The following SPRY3 variants were observed in gnomAD, a reference collection of about 807,000 sequenced individuals.
The protein encoded by SPRY3 is protein sprouty homolog 3.
In SPRY3, 15 loss-of-function variants were observed where a neutral mutation model predicts 20.2. That is an observed-to-expected ratio of 0.74 (90% CI 0.50 to 1.14). SPRY3 has a LOEUF of 1.14. Among genes scored for constraint, SPRY3 ranks in the 50% most tolerant of loss-of-function variants. The pLI, the probability that SPRY3 is intolerant of heterozygous loss-of-function variation, is 0.00. For missense variants in SPRY3, 364 were observed against 363.9 expected (o/e 1.00, Z 0.00); for synonymous variants, 143 against 136.5 (o/e 1.05, Z -0.33).
chrX:155,619,573 G>A (rs5940542), intron 1 of SPRY3, among the ~76,000 whole-genome samples: 2,864 of 110,844 alleles, frequency 0.026, 42 homozygotes, highest in South Asian at 0.041. Context: ...AAACGTAAAT[G>A]CTGAAATTGT....
At chrX:155,618,862 A>G (rs1233541571) in intron 1 of SPRY3, among the ~76,000 whole-genome samples, 3 of 111,205 alleles carry the variant, frequency 2.7e-5, no homozygotes, top group African/African-American at 9.8e-5. Flanking sequence ...AGGTTTCTTC[A>G]TGTCTTTTGC....
intron 2 of SPRY3, among the ~76,000 whole-genome samples, chrX:155,761,246 T>C (rs1336527598): frequency 1.3e-5 from 2 of 152,218 alleles, no homozygotes; most frequent in African/African-American, 2.4e-5. Context: ...CCCATCTTTA[T>C]TGAAACTCTC....
chrX:155,690,484 T>C lies in SPRY3; in HGVS notation c.-282+33459T>C, dbSNP rs1190983881. Among the ~76,000 whole-genome samples the C allele has an allele frequency of 3.4e-5, 3 of 87,658 alleles. 1 individual carries two copies. The highest frequency in any genetic ancestry group is 6.4e-5 in the Non-Finnish European group (3 of 46,807). The allele number at this position is 87,658 out of a possible 115,157, so 76.1% of individuals were successfully genotyped here. ...CAGTGACACCCATAGGTTCAAAATATAGGGATGGAGAAAAATCTACCAAGC... is the reference window on the plus strand; with the variant it reads ...CAGTGACACCCATAGGTTCAAAATACAGGGATGGAGAAAAATCTACCAAGC... On this transcript the variant is annotated intron_variant, in intron 2 of 3. Coordinates refer to ENST00000675360, the Ensembl canonical transcript of SPRY3.
At chrX:155,624,540 C>G (rs2067882001) in intron 1 of SPRY3, among the ~76,000 whole-genome samples, 1 of 109,766 alleles carries the variant, frequency 9.1e-6, no homozygotes, top group African/African-American at 3.3e-5. Context: ...ATCTATCTAT[C>G]TATCTATCTA....
chrX:155,780,442 C>G (rs1251610823), downstream of SPRY3: 1 of 166,792 alleles, frequency 6.0e-6, no homozygotes, highest in Admixed American at 6.6e-5. Flanking sequence ...TCTTCAAAGT[C>G]TTACCACTCT....
intron 2 of SPRY3, among the ~76,000 whole-genome samples, chrX:155,736,142 T>C (rs1217904750): frequency 6.6e-6 from 1 of 152,016 alleles, no homozygotes; most frequent in Non-Finnish European, 1.5e-5. Context: ...CTGTCATATA[T>C]TTCACTTATT....
chrX:155,724,483 C>A (rs993336066), intron 2 of SPRY3, among the ~76,000 whole-genome samples: 7 of 152,040 alleles, frequency 4.6e-5, no homozygotes, highest in African/African-American at 7.2e-5. Flanking sequence ...TGTAGTTCTC[C>A]TTGAAGAGGT....
intron 2 of SPRY3, among the ~76,000 whole-genome samples, chrX:155,730,903 C>A (rs1199976187): frequency 6.6e-6 from 1 of 151,904 alleles, no homozygotes; most frequent in Non-Finnish European, 1.5e-5. Context: ...AGAGAGTAAT[C>A]CCATTTACAA....
intron 2 of SPRY3, among the ~76,000 whole-genome samples, chrX:155,668,830 G>A (rs2068032160): frequency 9.1e-6 from 1 of 110,130 alleles, no homozygotes. Context: ...CATAACTATC[G>A]GCTCTTAGGA....
intron 2 of SPRY3, among the ~76,000 whole-genome samples, chrX:155,746,048 C>T (rs1211712246): frequency 6.6e-6 from 1 of 152,000 alleles, no homozygotes; most frequent in African/African-American, 2.4e-5. Context: ...AAATGTGCTG[C>T]TTGTTTTGTA....
chrX:155,710,467 C>G (rs184683259), intron 2 of SPRY3, among the ~76,000 whole-genome samples: 3 of 151,236 alleles, frequency 2.0e-5, no homozygotes, highest in Admixed American at 6.6e-5. Context: ...AGATTGTTTG[C>G]TGTTGGAATA....
At chrX:155,656,947 T>C (rs782014538) in exon 2 of SPRY3, among the ~76,000 whole-genome samples, 156 of 111,746 alleles carry the variant, frequency 1.4e-3, no homozygotes, top group African/African-American at 5.0e-3. Flanking sequence ...ACAGCAAAGA[T>C]TGCTGCCTGT....
chrX:155,668,444 G>A (rs1300527138), intron 2 of SPRY3, among the ~76,000 whole-genome samples: 1 of 110,902 alleles, frequency 9.0e-6, no homozygotes, highest in Non-Finnish European at 1.9e-5. Context: ...GGGCCAGAGG[G>A]AACTTTCTAG....
At chrX:155,751,911 A>G in intron 2 of SPRY3, among the ~76,000 whole-genome samples, 1 of 149,776 alleles carries the variant, frequency 6.7e-6, no homozygotes. Context: ...AAGAAAAGGA[A>G]AGCAAGGGAA....
At chrX:155,737,278 G>A (rs752568448) in intron 2 of SPRY3, among the ~76,000 whole-genome samples, 6 of 152,028 alleles carry the variant, frequency 3.9e-5, no homozygotes, top group Admixed American at 2.0e-4. Flanking sequence ...TGGGCATCTA[G>A]ATTGATTCCA....
intron 2 of SPRY3, among the ~76,000 whole-genome samples, chrX:155,743,821 A>C (rs2091214169): frequency 6.6e-6 from 1 of 152,138 alleles, no homozygotes; most frequent in African/African-American, 2.4e-5. Flanking sequence ...AAAAACAAAA[A>C]AGGAATAAAA....
At chrX:155,774,817 G>A in exon 4 of SPRY3, 1 of 1,492,000 alleles carries the variant, frequency 6.7e-7, no homozygotes, top group Non-Finnish European at 9.0e-7. Flanking sequence ...TTGGAGAGGG[G>A]GAGGAGTGAT....
At chrX:155,773,706 T>C in intron 3 of SPRY3, 60 bp from the exon 3 acceptor site, 1 of 759,552 alleles carries the variant, frequency 1.3e-6, no homozygotes, top group East Asian at 2.5e-5. Flanking sequence ...TTTGTTGGTT[T>C]CTTGCAAAGT....
At chrX:155,748,142 T>C (rs1602985345) in intron 2 of SPRY3, among the ~76,000 whole-genome samples, 2 of 151,966 alleles carry the variant, frequency 1.3e-5, no homozygotes, top group East Asian at 3.9e-4. Flanking sequence ...AGTGACATGC[T>C]AGAAAGGAAC....
Sources: gnomAD v4.1 joint callset for allele counts (sites outside exome capture counted in the v4.1 genomes callset) on GRCh38, gnomAD v4.1.1 for gene constraint, MANE v1.5 for transcripts, NCBI Gene and HGNC (gene_info 2026-07-23, HGNC 2026-07-21) for gene names.